The following CTNNBL1 variants were observed in gnomAD, a reference collection of about 807,000 sequenced individuals.
CTNNBL1 encodes beta-catenin-like protein 1.
CTNNBL1 carries 31 observed loss-of-function variants against 72.7 expected under a neutral mutation model. The observed-to-expected ratio is 0.43, with a 90% CI of 0.32 to 0.58. The LOEUF is 0.58. Ranked by LOEUF, CTNNBL1 falls within the 20% of genes least tolerant of loss-of-function variation. The pLI, the probability that CTNNBL1 is intolerant of heterozygous loss-of-function variation, is 0.08. For synonymous variants in CTNNBL1, 240 were observed against 267.3 expected (o/e 0.90, Z 1.00); for missense variants, 534 against 725.1 (o/e 0.74, Z 3.03).
chr20:37,720,068 C>T (rs2073026792), intron 1 of CTNNBL1, among the ~76,000 whole-genome samples: 1 of 151,994 alleles, frequency 6.6e-6, no homozygotes, highest in Admixed American at 6.6e-5. Context: ...TGCTCTGTTG[C>T]CCAGGCTGGA....
chr20:37,726,925 A>C (rs1248183926), intron 1 of CTNNBL1, among the ~76,000 whole-genome samples: 7 of 152,116 alleles, frequency 4.6e-5, no homozygotes, highest in African/African-American at 1.7e-4. Flanking sequence ...CTCATTATAG[A>C]AGTTCTCTTT....
At chr20:37,801,739 A>C (rs546061743) in intron 10 of CTNNBL1, among the ~76,000 whole-genome samples, 1 of 152,246 alleles carries the variant, frequency 6.6e-6, no homozygotes, top group African/African-American at 2.4e-5. Context: ...CAAAAAACCC[A>C]TAACTAATGT....
At chr20:37,801,714 G>C (rs1265316675) in intron 10 of CTNNBL1, among the ~76,000 whole-genome samples, 3 of 152,148 alleles carry the variant, frequency 2.0e-5, no homozygotes, top group Non-Finnish European at 4.4e-5. Flanking sequence ...TTCAACCATT[G>C]ATAAAGAGCT....
chr20:37,722,145 C>A (rs192483459), intron 1 of CTNNBL1, among the ~76,000 whole-genome samples: 357 of 152,170 alleles, frequency 2.3e-3, no homozygotes, highest in Middle Eastern at 0.01. Context: ...CTTCTACAAT[C>A]ATCTTATGTT....
chr20:37,773,263 T>G (rs544835839), intron 7 of CTNNBL1, among the ~76,000 whole-genome samples: 7 of 152,232 alleles, frequency 4.6e-5, no homozygotes, highest in Non-Finnish European at 8.8e-5. Context: ...GCTGTAGATA[T>G]GTCTGAACCT....
chr20:37,773,261 T>C (rs1268279622), intron 7 of CTNNBL1, among the ~76,000 whole-genome samples: 9 of 152,180 alleles, frequency 5.9e-5, no homozygotes, highest in African/African-American at 2.2e-4. Flanking sequence ...GAGCTGTAGA[T>C]ATGTCTGAAC....
intron 11 of CTNNBL1, among the ~76,000 whole-genome samples, chr20:37,811,665 AG>A (rs1178159368): frequency 1.3e-5 from 2 of 152,210 alleles, no homozygotes; most frequent in African/African-American, 4.8e-5. Flanking sequence ...GGATTTACCC[AG>A]CTCCCAAGTA....
intron 15 of CTNNBL1, among the ~76,000 whole-genome samples, chr20:37,864,574 T>A (rs1371013923): frequency 6.6e-6 from 1 of 152,154 alleles, no homozygotes; most frequent in Non-Finnish European, 1.5e-5. Flanking sequence ...TGCACACTGC[T>A]TACTCAGTGC....
chr20:37,800,033 T>C (rs2073810953), intron 10 of CTNNBL1, among the ~76,000 whole-genome samples: 1 of 152,236 alleles, frequency 6.6e-6, no homozygotes, highest in Admixed American at 6.5e-5. Context: ...TGACCCAGGA[T>C]AGCACTCTTT....
At chr20:37,708,933 T>G (rs2072913098) in intron 1 of CTNNBL1, among the ~76,000 whole-genome samples, 1 of 152,046 alleles carries the variant, frequency 6.6e-6, no homozygotes, top group Non-Finnish European at 1.5e-5. Context: ...GGTCAAGAGA[T>G]CGAGACCATC....
chr20:37,854,549 C>A, intron 13 of CTNNBL1, among the ~76,000 whole-genome samples: 1 of 135,000 alleles, frequency 7.4e-6, no homozygotes, highest in Non-Finnish European at 1.6e-5. Context: ...CCCTGCCTCT[C>A]AATATTATTA....
At chr20:37,732,748 G>C in intron 1 of CTNNBL1, 131 bp from the exon 2 acceptor site, 1 of 710,242 alleles carries the variant, frequency 1.4e-6, no homozygotes, top group Non-Finnish European at 2.2e-6. Flanking sequence ...CCTCAGGCTG[G>C]TCTCAAACTC....
chr20:37,737,969 C>T lies in CTNNBL1; in HGVS notation c.326+485C>T, dbSNP rs971195413. Among the ~76,000 whole-genome samples, 7 of 152,326 alleles carry T rather than the reference C, an allele frequency of 4.6e-5. No individual in the cohort carries two copies. The East Asian group carries it at 1.3e-3, about 29-fold the overall frequency. On this transcript the variant is annotated intron_variant, in intron 3 of 15. Coordinates refer to ENST00000361383, the MANE Select transcript of CTNNBL1 (RefSeq NM_030877.5). ...CTGGAAGGAAAGCAGCTGTTCAGTG[C>T]CCCGGGCTGACAAAGCAGCAACCTT... is the stretch of plus-strand genomic sequence containing the variant.
chr20:37,694,250 C>A, intron 1 of CTNNBL1, 98 bp downstream of exon 1: 1 of 1,139,972 alleles, frequency 8.8e-7, no homozygotes, highest in South Asian at 1.7e-5. Context: ...GCCTCACTCC[C>A]GGGCCCTCTA....
chr20:37,777,376 A>G lies in CTNNBL1; in HGVS notation c.782A>G (p.Tyr261Cys), dbSNP rs1180701426. ...AKMPFDANKL[Y>C]CSEVLAILLQ... The stretch of plus-strand genomic sequence containing the variant: ...ATGCCTTTTGATGCCAACAAACTGT[A>G]TTGCAGTGAAGTGCTGGCCATATTG... The change falls in exon 8 of 16, where the codon TAT (tyrosine) becomes TGT (cysteine). Residue 261 changes from tyrosine to cysteine, a missense_variant. Tyr to Cys is a radical substitution (Grantham distance 194). Transcript: ENST00000361383. 2 of 1,613,912 alleles carry G rather than the reference A, an allele frequency of 1.2e-6. No individual in the cohort carries two copies. Among genetic ancestry groups the G allele is most frequent in the Non-Finnish European group, 1.7e-6 (2 of 1,179,806 alleles).
chr20:37,844,567 G>A (rs114553475), intron 13 of CTNNBL1, among the ~76,000 whole-genome samples: 1,979 of 152,260 alleles, frequency 0.013, 41 homozygotes, highest in African/African-American at 0.042. Context: ...GGATAATCGA[G>A]GTGACCTTCC....
At chr20:37,751,747 C>G (rs1028523137) in intron 4 of CTNNBL1, 8 of 152,212 alleles carry the variant, frequency 5.3e-5, no homozygotes, top group African/African-American at 1.9e-4. Context: ...GATTTGAGCC[C>G]CCTAAGGGGC....
At chr20:37,862,275 A>G (rs1281751225) in intron 15 of CTNNBL1, among the ~76,000 whole-genome samples, 1 of 152,068 alleles carries the variant, frequency 6.6e-6, no homozygotes, top group Non-Finnish European at 1.5e-5. Context: ...TTTAAATGGC[A>G]TTTACTTCTA....
chr20:37,769,369 C>T (rs984321649), intron 7 of CTNNBL1, among the ~76,000 whole-genome samples: 2 of 152,196 alleles, frequency 1.3e-5, no homozygotes, highest in Non-Finnish European at 1.5e-5. Flanking sequence ...TCAGCTGCCC[C>T]ACTGATTTAG....
Sources: allele counts gnomAD v4.1 joint callset (sites outside exome capture counted in the v4.1 genomes callset), GRCh38; gene constraint gnomAD v4.1.1; transcripts MANE v1.5; gene names NCBI Gene and HGNC (gene_info 2026-07-23, HGNC 2026-07-21).